CA10: variants seen among roughly 807,000 people sequenced by gnomAD.
The protein encoded by CA10 is carbonic anhydrase 10 (inactive), also known as carbonic anhydrase-related protein 10.
Under a neutral mutation model 44.2 loss-of-function variants are expected in CA10, and 14 were observed. The observed-to-expected ratio is 0.32, with a 90% CI of 0.21 to 0.50. The LOEUF (loss-of-function observed/expected upper bound fraction) is 0.50. Among genes scored for constraint, CA10 ranks in the 20% least tolerant of loss-of-function variants. CA10 has a pLI of 0.99. For synonymous variants in CA10, 159 were observed against 141.6 expected (o/e 1.12, Z -0.87); for missense variants, 350 against 409.7 (o/e 0.85, Z 1.26).
At chr17:52,084,436 A>T (rs2143185808) in intron 1 of CA10, among the ~76,000 whole-genome samples, 1 of 104,390 alleles carries the variant, frequency 9.6e-6, no homozygotes, top group South Asian at 4.3e-4. Context: ...CCAGTGAATT[A>T]TGACCATATC....
At chr17:51,742,927 C>T (rs1484473994) in intron 4 of CA10, among the ~76,000 whole-genome samples, 1 of 152,198 alleles carries the variant, frequency 6.6e-6, no homozygotes, top group African/African-American at 2.4e-5. Context: ...ATTTCATAAT[C>T]CCCTTCTGGA....
chr17:52,094,832 G>A (rs1356501828), intron 1 of CA10, among the ~76,000 whole-genome samples: 4 of 152,138 alleles, frequency 2.6e-5, no homozygotes, highest in Non-Finnish European at 1.5e-5. Context: ...GGAATGTGGT[G>A]CAACTGGAAT....
chr17:51,863,578 A>G (rs1045886385), intron 3 of CA10, among the ~76,000 whole-genome samples: 9 of 152,140 alleles, frequency 5.9e-5, no homozygotes, highest in African/African-American at 2.2e-4. Flanking sequence ...AACTCCTCTC[A>G]CTTAAGATGC....
intron 2 of CA10, among the ~76,000 whole-genome samples, chr17:52,034,886 C>T (rs1490858641): frequency 1.3e-5 from 2 of 152,144 alleles, no homozygotes; most frequent in Non-Finnish European, 2.9e-5. Flanking sequence ...ACTTCAATCT[C>T]ATTTTTCATG....
chr17:51,989,011 A>G (rs1984943900), intron 2 of CA10, among the ~76,000 whole-genome samples: 1 of 152,046 alleles, frequency 6.6e-6, no homozygotes, highest in Non-Finnish European at 1.5e-5. Flanking sequence ...TGTGGCTAGT[A>G]TCTACCATAT....
rs760555103 is a variant in CA10, at chr17:51,918,083, A to G, written c.279+12907T>C. 1.2e-4 allele frequency among the ~76,000 whole-genome samples: 19 copies of G among 152,202 alleles called. 1 individual carries two copies. Among genetic ancestry groups the G allele is most frequent in the Admixed American group, 2.6e-4 (4 of 15,272 alleles). Reference sequence around the variant, plus strand: ...GATAATTTTGTGAAACTCTTATTCTATTTGAATTTGACAAGCTCAGAATAA... The same window carrying G: ...GATAATTTTGTGAAACTCTTATTCTGTTTGAATTTGACAAGCTCAGAATAA... On this transcript the variant is annotated intron_variant, in intron 3 of 8. Coordinates refer to ENST00000451037, the MANE Select transcript of CA10 (RefSeq NM_020178.5).
intron 4 of CA10, among the ~76,000 whole-genome samples, chr17:51,666,506 TA>T (rs1914213194): frequency 6.6e-6 from 1 of 152,162 alleles, no homozygotes; most frequent in African/African-American, 2.4e-5. Flanking sequence ...CCCTTTACTG[TA>T]GCGCCTTTTC....
chr17:51,748,931 T>C (rs1045055676), intron 3 of CA10, among the ~76,000 whole-genome samples: 21 of 152,312 alleles, frequency 1.4e-4, no homozygotes, highest in African/African-American at 4.8e-4. Flanking sequence ...CACCAAATAT[T>C]CCAGTGACTC....
At chr17:52,141,895 G>A (rs1035240847) in intron 1 of CA10, among the ~76,000 whole-genome samples, 28 of 152,168 alleles carry the variant, frequency 1.8e-4, no homozygotes, top group African/African-American at 6.3e-4. Context: ...TACCCTAGAT[G>A]AATCCTGGCC....
At chr17:52,029,775 T>C (rs1986409622) in intron 2 of CA10, among the ~76,000 whole-genome samples, 1 of 152,208 alleles carries the variant, frequency 6.6e-6, no homozygotes, top group African/African-American at 2.4e-5. Context: ...CCATTGAACC[T>C]TGACCACAAA....
chr17:52,139,023 A>G (rs987311794), intron 1 of CA10, among the ~76,000 whole-genome samples: 1 of 152,228 alleles, frequency 6.6e-6, no homozygotes, highest in Non-Finnish European at 1.5e-5. Context: ...TTAGTAAAAA[A>G]GGCCCTGAAG....
chr17:51,636,775 T>TG (rs1555577669), intron 6 of CA10, among the ~76,000 whole-genome samples: 13,261 of 146,576 alleles, frequency 0.09, 747 homozygotes, highest in East Asian at 0.22. Context: ...ACTGATTATT[T>TG]TGTGTGTGTG....
chr17:51,919,027 T>G (rs1982119206), intron 3 of CA10, among the ~76,000 whole-genome samples: 1 of 152,166 alleles, frequency 6.6e-6, no homozygotes. Flanking sequence ...TCAAATTGCA[T>G]TATTTATTCC....
intron 1 of CA10, among the ~76,000 whole-genome samples, chr17:52,152,665 T>C (rs997833119): frequency 6.6e-6 from 1 of 152,174 alleles, no homozygotes. Context: ...ATTACTCATA[T>C]TACTTTATAT....
At chr17:51,880,685 T>C (rs1383634301) in intron 3 of CA10, among the ~76,000 whole-genome samples, 1 of 152,158 alleles carries the variant, frequency 6.6e-6, no homozygotes, top group Non-Finnish European at 1.5e-5. Flanking sequence ...CCAACTTAAC[T>C]GTTGACTCCC....
intron 2 of CA10, among the ~76,000 whole-genome samples, chr17:51,947,115 T>A (rs1042614003): frequency 3.3e-5 from 5 of 150,746 alleles, no homozygotes; most frequent in Non-Finnish European, 5.9e-5. Flanking sequence ...TTGGCCTTTA[T>A]AATGTAATTA....
intron 1 of CA10, among the ~76,000 whole-genome samples, chr17:52,116,204 C>A (rs1372425357): frequency 6.6e-6 from 1 of 151,996 alleles, no homozygotes; most frequent in Non-Finnish European, 1.5e-5. Context: ...TTATTTTCTT[C>A]TTTTTTCACC....
chr17:51,749,211 C>CAA (rs1324704161), intron 3 of CA10, among the ~76,000 whole-genome samples: 1 of 152,210 alleles, frequency 6.6e-6, no homozygotes, highest in Non-Finnish European at 1.5e-5. Context: ...ACTACACTCC[C>CAA]AACAATGTAA....
intron 2 of CA10, among the ~76,000 whole-genome samples, chr17:51,940,490 T>C (rs1314172166): frequency 6.6e-6 from 1 of 152,048 alleles, no homozygotes; most frequent in African/African-American, 2.4e-5. Context: ...CCTCCTCATG[T>C]CTTCAGGTAG....
Sources: gnomAD v4.1 joint callset for allele counts (sites outside exome capture counted in the v4.1 genomes callset) on GRCh38, gnomAD v4.1.1 for gene constraint, MANE v1.5 for transcripts, NCBI Gene and HGNC (gene_info 2026-07-23, HGNC 2026-07-21) for gene names.